Variants in TMEM135 observed in about 807,000 individuals in gnomAD.
TMEM135 encodes peroxisomal membrane protein 52.
TMEM135 carries 30 observed loss-of-function variants against 60.3 expected under a neutral mutation model. That is an observed-to-expected ratio of 0.50 (90% CI 0.37 to 0.68). TMEM135 has a LOEUF of 0.68. Among genes scored for constraint, TMEM135 ranks in the 30% least tolerant of loss-of-function variants. The probability of loss-of-function intolerance (pLI) is 0.00; values close to 1 mark genes in which losing one functional copy is unlikely to be tolerated. For missense variants in TMEM135, 468 were observed against 548.8 expected, an observed-to-expected ratio of 0.85 and a Z score of 1.47; for synonymous variants, 190 against 186.7, an observed-to-expected ratio of 1.02 and a Z score of -0.14.
intron 1 of TMEM135, among the ~76,000 whole-genome samples, chr11:87,044,640 A>G (rs1358453806): frequency 6.6e-6 from 1 of 152,080 alleles, no homozygotes; most frequent in Non-Finnish European, 1.5e-5. Flanking sequence ...CTTTGGAGAT[A>G]TAAGTCATAT....
chr11:87,294,077 CATTGTGGTTTTG>C (rs1383842702), intron 6 of TMEM135, among the ~76,000 whole-genome samples: 3 of 152,258 alleles, frequency 2.0e-5, no homozygotes, highest in South Asian at 4.1e-4. Context: ...GATGGTATCT[CATTGTGGTTTTG>C]ATTTGCATTT....
At chr11:87,197,959 A>G (rs1939998224) in intron 5 of TMEM135, among the ~76,000 whole-genome samples, 2 of 151,642 alleles carry the variant, frequency 1.3e-5, no homozygotes, top group South Asian at 4.2e-4. Context: ...TTATTTTTTT[A>G]GGTACATAAT....
rs1942932386 is a variant in TMEM135, at chr11:87,327,574, T to C, written c.*6241T>C. 2 of 451,108 alleles carry C rather than the reference T, an allele frequency of 4.4e-6. No homozygotes were observed. Among genetic ancestry groups the C allele is most frequent in the African/African-American group, 4.0e-5 (2 of 49,660 alleles). The allele number at this position is 451,108 out of a possible 1,614,324, so 27.9% of individuals were successfully genotyped here. On this transcript the variant is annotated 3_prime_UTR_variant, in exon 15 of 15. Coordinates refer to ENST00000305494, the MANE Select transcript of TMEM135 (RefSeq NM_022918.4). ...ATAGAGAGAGACACAGAGAGAGATA[T>C]GAGAGGGGATTAAGGGAGTTGGCTC... is the stretch of plus-strand genomic sequence containing the variant.
intron 8 of TMEM135, among the ~76,000 whole-genome samples, 160 bp from the exon 9 acceptor site, chr11:87,305,776 A>AAAATAAATAAATAAAT (rs71470736): frequency 1.0e-3 from 149 of 144,060 alleles, no homozygotes; most frequent in African/African-American, 3.0e-3. Flanking sequence ...ACTTTATCTC[A>AAAATAAATAAATAAAT]AAATAAATAA....
At chr11:87,149,441 TA>T (rs1311754261) in intron 4 of TMEM135, among the ~76,000 whole-genome samples, 3 of 152,188 alleles carry the variant, frequency 2.0e-5, no homozygotes, top group Admixed American at 6.5e-5. Context: ...GGGGAAAATT[TA>T]CACAGTGGGA....
chr11:87,124,835 T>G (rs1325464859), intron 4 of TMEM135, among the ~76,000 whole-genome samples: 1 of 152,186 alleles, frequency 6.6e-6, no homozygotes, highest in East Asian at 1.9e-4. Flanking sequence ...CTCTCTTACT[T>G]CTGTTCTTCT....
chr11:87,212,110 A>G (rs1940384670), intron 5 of TMEM135, among the ~76,000 whole-genome samples: 1 of 152,206 alleles, frequency 6.6e-6, no homozygotes, highest in South Asian at 2.1e-4. Context: ...AAATGGTAAG[A>G]CTTGATACAT....
At chr11:87,246,399 G>A (rs1279235036) in intron 6 of TMEM135, among the ~76,000 whole-genome samples, 2 of 151,838 alleles carry the variant, frequency 1.3e-5, no homozygotes, top group Non-Finnish European at 2.9e-5. Flanking sequence ...ATGTTGGCCT[G>A]CCTTGCTAGA....
intron 5 of TMEM135, among the ~76,000 whole-genome samples, chr11:87,177,399 T>A (rs1461236410): frequency 6.6e-6 from 1 of 152,180 alleles, no homozygotes; most frequent in Non-Finnish European, 1.5e-5. Flanking sequence ...ATTATGAGAA[T>A]ACAGAATGAA....
At chr11:87,043,154 C>T (rs1949765688) in intron 1 of TMEM135, among the ~76,000 whole-genome samples, 1 of 151,460 alleles carries the variant, frequency 6.6e-6, no homozygotes, top group Non-Finnish European at 1.5e-5. Context: ...GGGGTTTCTG[C>T]ATGTTGGTCA....
chr11:87,272,273 C>T (rs1941883712), intron 6 of TMEM135, among the ~76,000 whole-genome samples: 1 of 151,698 alleles, frequency 6.6e-6, no homozygotes. Context: ...TCAGACTGGT[C>T]TCAAACTCCT....
At chr11:87,064,711 C>T (rs1208221561) in intron 1 of TMEM135, among the ~76,000 whole-genome samples, 1 of 152,120 alleles carries the variant, frequency 6.6e-6, no homozygotes, top group Admixed American at 6.5e-5. Context: ...GGCGAAGCCC[C>T]ATCTTTACTA....
chr11:87,176,273 C>G (rs949883173), intron 5 of TMEM135, among the ~76,000 whole-genome samples: 10 of 152,070 alleles, frequency 6.6e-5, no homozygotes, highest in Admixed American at 5.9e-4. Context: ...CCTCCCTGCC[C>G]CTTCCTGTCT....
rs532039997 is a variant in TMEM135 at position 87,172,727 on chromosome 11, A to C, written c.462+15321A>C. Among the ~76,000 whole-genome samples, 4 of 152,136 alleles carry C rather than the reference A, an allele frequency of 2.6e-5. No individual in the cohort carries two copies. In the East Asian group the frequency reaches 7.7e-4, roughly 29 times the overall value. ...TACTACTTTAATTCAATCAGCTTTCATTTAAGATAAGTATATCTTTATGGA... is the reference window on the plus strand; with the variant it reads ...TACTACTTTAATTCAATCAGCTTTCCTTTAAGATAAGTATATCTTTATGGA... On this transcript the variant is annotated intron_variant, in intron 5 of 14. Coordinates refer to ENST00000305494, the MANE Select transcript of TMEM135 (RefSeq NM_022918.4).
At chr11:87,146,415 G>C (rs1231977715) in intron 4 of TMEM135, among the ~76,000 whole-genome samples, 1 of 152,124 alleles carries the variant, frequency 6.6e-6, no homozygotes, top group Non-Finnish European at 1.5e-5. Flanking sequence ...CTTGGGAGTA[G>C]TGCATCACCA....
chr11:87,106,814 T>C (rs953435421), intron 4 of TMEM135, among the ~76,000 whole-genome samples: 2 of 152,120 alleles, frequency 1.3e-5, no homozygotes, highest in Non-Finnish European at 2.9e-5. Flanking sequence ...TTTAATTGGC[T>C]AATGGTTCTG....
In TMEM135 at chr11:87,328,690, A is replaced by G. The variant is rs1942949989; in HGVS notation, c.*7357A>G. ...GACATTATTTCATCTTTTATTTTTT[A>G]TGGCTGAGTAGTATTCCATGGTGCA... On this transcript the variant is annotated 3_prime_UTR_variant, in exon 15 of 15. Coordinates refer to ENST00000305494, the MANE Select transcript of TMEM135 (RefSeq NM_022918.4). 1 of 453,860 alleles carries G rather than the reference A, an allele frequency of 2.2e-6. No individual in the cohort carries two copies. The allele number at this position is 453,860 out of a possible 1,614,324, so 28.1% of individuals were successfully genotyped here.
intron 4 of TMEM135, among the ~76,000 whole-genome samples, chr11:87,139,835 A>T (rs1405718504): frequency 6.6e-6 from 1 of 152,082 alleles, no homozygotes; most frequent in Admixed American, 6.5e-5. Context: ...GCTATTCATA[A>T]ATATTTGTGT....
chr11:87,230,331 A>G (rs944234098), intron 5 of TMEM135, among the ~76,000 whole-genome samples: 18 of 152,130 alleles, frequency 1.2e-4, no homozygotes, highest in African/African-American at 4.3e-4. Context: ...TTTTTTAAAA[A>G]AAGTGAAAAC....
Sources: gnomAD v4.1 joint callset for allele counts (sites outside exome capture counted in the v4.1 genomes callset) on GRCh38, gnomAD v4.1.1 for gene constraint, MANE v1.5 for transcripts, NCBI Gene and HGNC (gene_info 2026-07-23, HGNC 2026-07-21) for gene names.